Variants in ATP6V0A4 observed in about 807,000 individuals in gnomAD.
The protein encoded by ATP6V0A4 is ATPase H+ transporting V0 subunit a4.
ATP6V0A4 carries 86 observed loss-of-function variants against 107.3 expected under a neutral mutation model. The observed-to-expected ratio is 0.80, with a 90% CI of 0.67 to 0.96. The LOEUF (loss-of-function observed/expected upper bound fraction) is 0.96. Among genes scored for constraint, ATP6V0A4 ranks in the 40% least tolerant of loss-of-function variants. The pLI, the probability that ATP6V0A4 is intolerant of heterozygous loss-of-function variation, is 0.00. For missense variants in ATP6V0A4, 908 were observed against 1,045.6 expected (o/e 0.87, Z 1.81); for synonymous variants, 353 against 381.4 (o/e 0.93, Z 0.87).
At chr7:138,708,619 T>C (rs560039450) in intron 21 of ATP6V0A4, among the ~76,000 whole-genome samples, 3 of 152,338 alleles carry the variant, frequency 2.0e-5, no homozygotes, top group South Asian at 2.1e-4. Flanking sequence ...CATGTTTCCA[T>C]ATTCATCAAC....
intron 6 of ATP6V0A4, among the ~76,000 whole-genome samples, chr7:138,762,659 TTC>T (rs1319092703): frequency 6.6e-6 from 1 of 152,166 alleles, no homozygotes; most frequent in Non-Finnish European, 1.5e-5. Flanking sequence ...TGGTTCTGAC[TTC>T]TCTTTCTGCC....
At position 138,726,224 on chromosome 7, in the gene ATP6V0A4, T is replaced by C. The variant is rs930340606; in HGVS notation, c.2010+2537A>G. Among the ~76,000 whole-genome samples, 44 of 151,684 alleles carry C rather than the reference T, an allele frequency of 2.9e-4. 1 individual carries two copies. In the South Asian group the frequency reaches 6.2e-3, roughly 22 times the overall value. ...CAGGATGGTCTCGATCTCCTGACCT[T>C]GTGATCCGCCCGCCTCGGCCTCCCA... On this transcript the variant is annotated intron_variant, in intron 18 of 21. Coordinates refer to ENST00000310018, the MANE Select transcript of ATP6V0A4 (RefSeq NM_020632.3).
Position 138,797,885 on chromosome 7 carries a change from C to T in ATP6V0A4, c.-121+149G>A, listed in dbSNP as rs947431267. The T allele has an allele frequency of 5.3e-6, 6 of 1,126,984 alleles. No individual in the cohort carries two copies. In the African/African-American group the frequency reaches 6.2e-5, roughly 12 times the overall value. 69.8% of individuals were successfully genotyped at this position (1,126,984 alleles called of 1,614,324 possible). On this transcript the variant is annotated intron_variant, in intron 1 of 21. Transcript: ENST00000310018. ...GCCCCTCCCTTCCTTCCTCAGCCAA[C>T]GGTTTGGCTTCCCTTCTAGAGAGGT...
Position 138,747,646 on chromosome 7 carries a change from G to A in ATP6V0A4, c.1181-82C>T, listed in dbSNP as rs1806023135. On this transcript the variant is annotated intron_variant, in intron 12 of 21. Coordinates refer to ENST00000310018, the MANE Select transcript of ATP6V0A4 (RefSeq NM_020632.3). ...CTCAGATTCCCTGCCACAGCTCCAC[G>A]ATTTGCATGCGGGTTTCCTTAAGCC... The A allele has an allele frequency of 5.7e-6, 9 of 1,575,906 alleles. No individual in the cohort carries two copies. In the African/African-American group the frequency reaches 8.1e-5, roughly 14 times the overall value.
intron 1 of ATP6V0A4, among the ~76,000 whole-genome samples, chr7:138,790,863 A>G (rs1808379716): frequency 6.6e-6 from 1 of 152,244 alleles, no homozygotes; most frequent in South Asian, 2.1e-4. Flanking sequence ...GATTAAAGCA[A>G]CAACAACAAA....
intron 20 of ATP6V0A4, among the ~76,000 whole-genome samples, chr7:138,713,827 A>G (rs558865249): frequency 1.3e-4 from 19 of 151,992 alleles, no homozygotes; most frequent in Non-Finnish European, 2.8e-4. Flanking sequence ...CAGGCCAGGC[A>G]CAATGGCTCA....
chr7:138,709,159 A>G (rs1803603198), intron 21 of ATP6V0A4, among the ~76,000 whole-genome samples: 1 of 150,196 alleles, frequency 6.7e-6, no homozygotes, highest in East Asian at 2.0e-4. Flanking sequence ...CAGTGAGCCA[A>G]GATTGCACCA....
intron 8 of ATP6V0A4, among the ~76,000 whole-genome samples, chr7:138,758,770 T>TTTTTTTG (rs1806637554): frequency 1.2e-5 from 1 of 80,776 alleles, no homozygotes; most frequent in African/African-American, 6.0e-5. Context: ...TTTTTTTTTT[T>TTTTTTTG]GAGGGAGTCT....
At chr7:138,788,756 GA>G (rs1584954068) in intron 1 of ATP6V0A4, among the ~76,000 whole-genome samples, 1 of 152,162 alleles carries the variant, frequency 6.6e-6, no homozygotes, top group East Asian at 1.9e-4. Flanking sequence ...CTCATGATAG[GA>G]AATGAGTCTC....
At chr7:138,751,174 C>A (rs1187221838) in intron 11 of ATP6V0A4, among the ~76,000 whole-genome samples, 1 of 152,124 alleles carries the variant, frequency 6.6e-6, no homozygotes, top group African/African-American at 2.4e-5. Context: ...CTCCTCCCAC[C>A]CCGTGAAATT....
intron 5 of ATP6V0A4, among the ~76,000 whole-genome samples, chr7:138,767,484 C>T (rs1460756924): frequency 2.0e-5 from 3 of 152,166 alleles, no homozygotes; most frequent in Admixed American, 2.0e-4. Flanking sequence ...GATCACACCA[C>T]TGCACTCCAG....
intron 19 of ATP6V0A4, among the ~76,000 whole-genome samples, chr7:138,720,518 T>G (rs1056954311): frequency 2.0e-5 from 3 of 152,092 alleles, no homozygotes; most frequent in Admixed American, 6.6e-5. Flanking sequence ...TCTAAAACAT[T>G]CCAGCAAGTC....
At chr7:138,734,692 C>T (rs1024029368) in intron 15 of ATP6V0A4, among the ~76,000 whole-genome samples, 5 of 149,570 alleles carry the variant, frequency 3.3e-5, no homozygotes, top group Non-Finnish European at 7.4e-5. Flanking sequence ...GCAGGAGAAC[C>T]GCTTGAACCT....
intron 3 of ATP6V0A4, among the ~76,000 whole-genome samples, chr7:138,770,723 C>T (rs184239679): frequency 8.5e-5 from 13 of 152,290 alleles, no homozygotes; most frequent in African/African-American, 2.9e-4. Context: ...ACAACCAACT[C>T]TGGACTCCAG....
intron 1 of ATP6V0A4, among the ~76,000 whole-genome samples, chr7:138,786,690 C>T (rs1808193428): frequency 6.6e-6 from 1 of 151,946 alleles, no homozygotes; most frequent in Admixed American, 6.6e-5. Context: ...GAGAGATTCT[C>T]CCTATGTTGC....
chr7:138,779,514 C>G (rs935541257), intron 2 of ATP6V0A4, among the ~76,000 whole-genome samples: 3 of 152,216 alleles, frequency 2.0e-5, no homozygotes, highest in Non-Finnish European at 4.4e-5. Flanking sequence ...GTGGACATCA[C>G]TTGGCTCACT....
In ATP6V0A4 at chr7:138,706,487, A is replaced by G. The variant is rs890197772; in HGVS notation, c.*137T>C. 1.3e-5 allele frequency: 14 copies of G among 1,104,330 alleles called. No homozygotes were observed. The African/African-American group carries it at 2.0e-4, about 16-fold the overall frequency. The allele number at this position is 1,104,330 out of a possible 1,614,324, so 68.4% of individuals were successfully genotyped here. On this transcript the variant is annotated 3_prime_UTR_variant, in exon 22 of 22. Transcript: ENST00000310018. Reference sequence around the variant, plus strand: ...GTATCAAATCCACAGGCTGACGTCCAAATAATACACAGTTTCATGCTTCAG... The same window carrying G: ...GTATCAAATCCACAGGCTGACGTCCGAATAATACACAGTTTCATGCTTCAG...
intron 2 of ATP6V0A4, among the ~76,000 whole-genome samples, chr7:138,779,037 A>G (rs1807803621): frequency 6.6e-6 from 1 of 152,208 alleles, no homozygotes; most frequent in African/African-American, 2.4e-5. Context: ...GTACAGCACC[A>G]GTAATCAAGA....
Position 138,759,819 on chromosome 7 carries a change from C to A in ATP6V0A4, c.572G>T (p.Arg191Leu), listed in dbSNP as rs374791119. Residue 191 changes from arginine to leucine, a missense_variant, in exon 8 of 22, where the codon CGA becomes CTA. Arg to Leu is a moderately radical substitution (Grantham distance 102). Coordinates refer to ENST00000310018, the MANE Select transcript of ATP6V0A4 (RefSeq NM_020632.3). ...RMASFERLLW[R>L]ICRGNVYLKF... The stretch of plus-strand genomic sequence containing the variant: ...CAAGTACACGTTTCCTCGGCAGATT[C>A]GCCACAGTAACCGCTCAAAGGAAGC... 2.5e-6 allele frequency: 4 copies of A among 1,613,984 alleles called. No individual in the cohort carries two copies. The African/African-American group carries it at 5.3e-5, about 22-fold the overall frequency.
Sources: gnomAD v4.1 joint callset for allele counts (sites outside exome capture counted in the v4.1 genomes callset) on GRCh38, gnomAD v4.1.1 for gene constraint, MANE v1.5 for transcripts, NCBI Gene and HGNC (gene_info 2026-07-23, HGNC 2026-07-21) for gene names.